The following CNMD variants were observed in gnomAD, a reference collection of about 807,000 sequenced individuals.
CNMD encodes the protein chondromodulin, also known as leukocyte cell-derived chemotaxin 1.
In CNMD, 30 loss-of-function variants were observed where a neutral mutation model predicts 37.5. The ratio of observed to expected loss-of-function variants is 0.80; its 90% CI spans 0.60 to 1.09. The LOEUF is 1.09. CNMD is among the 50% of genes least tolerant of loss of function. The pLI is 0.00. For missense variants in CNMD, 398 were observed against 423.9 expected, an observed-to-expected ratio of 0.94 and a Z score of 0.54; for synonymous variants, 167 against 148.2, an observed-to-expected ratio of 1.13 and a Z score of -0.92.
At chr13:52,722,863 T>G (rs1270312469) in intron 4 of CNMD, among the ~76,000 whole-genome samples, 4 of 152,226 alleles carry the variant, frequency 2.6e-5, no homozygotes, top group Non-Finnish European at 5.9e-5. Flanking sequence ...TTGTGTAGCT[T>G]CAATGGGCTG....
chr13:52,724,356 G>C (rs1414445228), intron 3 of CNMD, among the ~76,000 whole-genome samples: 2 of 143,258 alleles, frequency 1.4e-5, no homozygotes, highest in Admixed American at 7.5e-5. Context: ...GGCAGATCAC[G>C]AGGTCAGGAG....
At chr13:52,711,482 G>A (rs367609722) in intron 5 of CNMD, among the ~76,000 whole-genome samples, 37 of 152,260 alleles carry the variant, frequency 2.4e-4, no homozygotes, top group African/African-American at 8.2e-4. Context: ...GACTGAGTTT[G>A]GAATTCTTTC....
chr13:52,712,758 C>A lies in CNMD; in HGVS notation c.580G>T (p.Gly194Cys), dbSNP rs745702710. The A allele has an allele frequency of 1.3e-6, 2 of 1,555,016 alleles. No individual in the cohort carries two copies. The highest frequency in any genetic ancestry group is 1.7e-6 in the Non-Finnish European group (2 of 1,150,256). Residue 194 changes from glycine (G) to cysteine (C), a missense_variant, in exon 5 of 7, where the codon GGT (glycine) becomes TGT (cysteine). By Grantham distance (159) the Gly-to-Cys change is radical (BLOSUM62 -3). Coordinates refer to ENST00000377962, the MANE Select transcript of CNMD (RefSeq NM_007015.3). ...FLSSKVLELC[G>C]DLPIFWLKPT... ...TTAAGCCAGAAAATAGGAAGGTCACCGCAGAGTTCTAACACCTTAGAACTC... is the reference window on the plus strand; with the variant it reads ...TTAAGCCAGAAAATAGGAAGGTCACAGCAGAGTTCTAACACCTTAGAACTC...
intron 4 of CNMD, 100 bp from the exon 5 acceptor site, chr13:52,712,969 T>G: frequency 1.1e-6 from 1 of 918,478 alleles, no homozygotes; most frequent in Non-Finnish European, 1.6e-6. Flanking sequence ...TATAAAAAAT[T>G]AATGAGAATT....
At chr13:52,726,054 T>G (rs1418888219) in intron 3 of CNMD, among the ~76,000 whole-genome samples, 1 of 152,238 alleles carries the variant, frequency 6.6e-6, no homozygotes, top group Non-Finnish European at 1.5e-5. Flanking sequence ...CCAGCACTAC[T>G]GCTCACTCAG....
At chr13:52,725,601 A>G (rs1245136572) in intron 3 of CNMD, among the ~76,000 whole-genome samples, 1 of 152,038 alleles carries the variant, frequency 6.6e-6, no homozygotes, top group African/African-American at 2.4e-5. Flanking sequence ...AAGAATGTTT[A>G]CTCTCCTCCT....
chr13:52,726,126 T>C (rs1291747542), intron 3 of CNMD, among the ~76,000 whole-genome samples: 1 of 152,198 alleles, frequency 6.6e-6, no homozygotes, highest in Non-Finnish European at 1.5e-5. Context: ...TGCTGAGGCT[T>C]GGCTCTTAAC....
chr13:52,725,430 G>GC (rs139268730), intron 3 of CNMD, among the ~76,000 whole-genome samples: 18 of 148,682 alleles, frequency 1.2e-4, no homozygotes, highest in African/African-American at 4.4e-4. Context: ...GGACTTAGAT[G>GC]TTTTTTTTTT....
rs148394489 is a variant in CNMD, at chr13:52,718,408, C to G, written c.469-5539G>C. ...CTTTTGAATTTGTTTGCTCTTGCTT[C>G]TCTAGTTGTTTTAATTGTGATGTTA... On this transcript the variant is annotated intron_variant, in intron 4 of 6. Coordinates refer to ENST00000377962, the MANE Select transcript of CNMD (RefSeq NM_007015.3). 8.4e-3 allele frequency among the ~76,000 whole-genome samples: 1,274 copies of G among 152,140 alleles called. 11 individuals carry two copies. Among genetic ancestry groups the G allele is most frequent in the Non-Finnish European group, 0.013 (889 of 68,000 alleles).
At chr13:52,727,514 A>G (rs1403948245) in intron 3 of CNMD, among the ~76,000 whole-genome samples, 1 of 152,132 alleles carries the variant, frequency 6.6e-6, no homozygotes, top group Non-Finnish European at 1.5e-5. Flanking sequence ...AATTTTAAAA[A>G]TTAGCTAGGT....
chr13:52,712,648 G>T, intron 5 of CNMD, 68 bp downstream of exon 5: 1 of 1,059,938 alleles, frequency 9.4e-7, no homozygotes, highest in Non-Finnish European at 1.3e-6. Flanking sequence ...CTGTGGAGGG[G>T]GTTGGAGGAA....
rs1491541603 is a variant in CNMD at position 52,706,724 on chromosome 13, A to AGT, written c.789+1810_789+1811dup. 2.4e-4 allele frequency among the ~76,000 whole-genome samples: 4 copies of AGT among 16,922 alleles called. 1 individual carries two copies. The highest frequency in any genetic ancestry group is 1.8e-3 in the Admixed American group (2 of 1,092). 11.1% of individuals were successfully genotyped at this position (16,922 alleles called of 152,430 possible). A position where few individuals can be genotyped will look rare whatever the true frequency, so the allele number is the denominator to read the frequency against. ...CAAGGTATAAAAGTTTTGTGTTAAAAGTGTGTGTGTGTGTATGTGTGTGTG... is the reference window on the plus strand; with the variant it reads ...CAAGGTATAAAAGTTTTGTGTTAAAAGTGTGTGTGTGTGTGTATGTGTGTGTG... On this transcript the variant is annotated intron_variant, in intron 6 of 6. Coordinates refer to ENST00000377962, the MANE Select transcript of CNMD (RefSeq NM_007015.3).
intron 2 of CNMD, among the ~76,000 whole-genome samples, chr13:52,737,094 C>G (rs540156067): frequency 6.6e-6 from 1 of 152,110 alleles, no homozygotes; most frequent in African/African-American, 2.4e-5. Flanking sequence ...TATAGAGGAG[C>G]CGAGGCACAG....
At chr13:52,719,221 T>C (rs1425311817) in intron 4 of CNMD, among the ~76,000 whole-genome samples, 1 of 152,248 alleles carries the variant, frequency 6.6e-6, no homozygotes, top group Admixed American at 6.5e-5. Flanking sequence ...TATGTGTGTC[T>C]TTGCACGTGA....
intron 4 of CNMD, among the ~76,000 whole-genome samples, chr13:52,713,834 G>C (rs1594279254): frequency 6.6e-6 from 1 of 152,138 alleles, no homozygotes; most frequent in Non-Finnish European, 1.5e-5. Context: ...GAAGAGTGGG[G>C]TGATTGGGAT....
At chr13:52,729,292 G>T (rs1964625243) in intron 3 of CNMD, among the ~76,000 whole-genome samples, 1 of 152,174 alleles carries the variant, frequency 6.6e-6, no homozygotes, top group African/African-American at 2.4e-5. Context: ...GTCCTGCAGA[G>T]CCTGGGACAG....
intron 2 of CNMD, among the ~76,000 whole-genome samples, chr13:52,738,384 G>GT (rs1272340313): frequency 6.6e-6 from 1 of 152,180 alleles, no homozygotes; most frequent in African/African-American, 2.4e-5. Flanking sequence ...TAGGACAGCA[G>GT]TTAGTAAAAC....
intron 6 of CNMD, among the ~76,000 whole-genome samples, chr13:52,704,422 T>G (rs1964141413): frequency 1.3e-5 from 2 of 150,154 alleles, no homozygotes; most frequent in Non-Finnish European, 1.5e-5. Context: ...ACATGTAAAA[T>G]TCAAGGCCTT....
chr13:52,711,958 A>T (rs1804682998), intron 5 of CNMD, among the ~76,000 whole-genome samples: 1 of 152,172 alleles, frequency 6.6e-6, no homozygotes, highest in Admixed American at 6.5e-5. Flanking sequence ...CTAGTCTTCC[A>T]TAAAATCTTT....
Sources: allele counts gnomAD v4.1 joint callset (sites outside exome capture counted in the v4.1 genomes callset), GRCh38; gene constraint gnomAD v4.1.1; transcripts MANE v1.5; gene names NCBI Gene and HGNC (gene_info 2026-07-23, HGNC 2026-07-21).